The following KIF3B variants were observed in gnomAD, a reference collection of about 807,000 sequenced individuals.
The protein encoded by KIF3B is kinesin-like protein KIF3B.
Under a neutral mutation model 74.3 loss-of-function variants are expected in KIF3B, and 38 were observed. The observed-to-expected ratio is 0.51, with a 90% confidence interval of 0.39 to 0.67. The LOEUF is 0.67. Ranked by LOEUF, KIF3B falls within the 30% of genes least tolerant of loss-of-function variation. The pLI is 0.00. For missense variants in KIF3B, 649 were observed against 932.0 expected (o/e 0.70, Z 3.95); for synonymous variants, 326 against 342.5 (o/e 0.95, Z 0.53).
At chr20:32,285,425 C>T (rs2047663119) in intron 1 of KIF3B, among the ~76,000 whole-genome samples, 1 of 152,216 alleles carries the variant, frequency 6.6e-6, no homozygotes, top group Non-Finnish European at 1.5e-5. Flanking sequence ...CATTCCATCT[C>T]ACTGTGCCTC....
At chr20:32,296,444 A>G (rs2047717479) in intron 1 of KIF3B, among the ~76,000 whole-genome samples, 1 of 152,102 alleles carries the variant, frequency 6.6e-6, no homozygotes, top group Admixed American at 6.6e-5. Context: ...TACTAAAAAT[A>G]CAAAAATTAG....
intron 1 of KIF3B, among the ~76,000 whole-genome samples, chr20:32,300,987 C>T (rs1430499645): frequency 6.6e-6 from 1 of 151,402 alleles, no homozygotes; most frequent in Non-Finnish European, 1.5e-5. Context: ...CTCAATCTCT[C>T]GACTAGCTAG....
In KIF3B at chr20:32,332,374, T is replaced by C. The variant is rs1333935755; in HGVS notation, c.*1055T>C. The C allele has an allele frequency of 6.6e-6, 1 of 152,324 alleles. No individual in the cohort carries two copies. Among genetic ancestry groups the C allele is most frequent in the African/African-American group, 2.4e-5 (1 of 41,456 alleles). 9.4% of individuals were successfully genotyped at this position (152,324 alleles called of 1,614,324 possible). A position where few individuals can be genotyped will look rare whatever the true frequency, so the allele number is the denominator to read the frequency against. ...GCAGAGATGGAGACATGAGACTCAGTGCAGTGGGCAGGGAAGACATAACAG... is the reference window on the plus strand; with the variant it reads ...GCAGAGATGGAGACATGAGACTCAGCGCAGTGGGCAGGGAAGACATAACAG... On this transcript the variant is annotated 3_prime_UTR_variant, in exon 9 of 9. Coordinates refer to ENST00000375712, the MANE Select transcript of KIF3B (RefSeq NM_004798.4).
At chr20:32,320,980 G>C (rs1450900930) in intron 5 of KIF3B, among the ~76,000 whole-genome samples, 1 of 151,900 alleles carries the variant, frequency 6.6e-6, no homozygotes, top group African/African-American at 2.4e-5. Context: ...TATAGTGTTA[G>C]GTCTTACATT....
At chr20:32,287,900 T>C (rs1055733013) in intron 1 of KIF3B, among the ~76,000 whole-genome samples, 12 of 128,722 alleles carry the variant, frequency 9.3e-5, no homozygotes, top group East Asian at 3.2e-4. Flanking sequence ...TTTTTTTTTT[T>C]CAGATGGAGT....
chr20:32,299,021 T>C (rs2047729302), intron 1 of KIF3B, among the ~76,000 whole-genome samples: 1 of 152,126 alleles, frequency 6.6e-6, no homozygotes, highest in Non-Finnish European at 1.5e-5. Context: ...ACCGTATTTT[T>C]TTGTAAATTC....
chr20:32,305,930 T>A (rs542469326), intron 1 of KIF3B, among the ~76,000 whole-genome samples: 1 of 151,808 alleles, frequency 6.6e-6, no homozygotes, highest in Non-Finnish European at 1.5e-5. Context: ...TGATTGATTT[T>A]GTATTTTTAG....
At chr20:32,291,259 G>T (rs1375722965) in intron 1 of KIF3B, among the ~76,000 whole-genome samples, 4 of 152,062 alleles carry the variant, frequency 2.6e-5, no homozygotes, top group Non-Finnish European at 4.4e-5. Flanking sequence ...ATTATGTGGG[G>T]TTTTTTACTG....
At position 32,333,270 on chromosome 20, in the gene KIF3B, C is replaced by T. The variant is rs902165037; in HGVS notation, c.*1951C>T. ...CTGGTTACACGTGTCTCTCACACCACATTTCCTCAAAGCTAATCTGAATTC... is the reference window on the plus strand; with the variant it reads ...CTGGTTACACGTGTCTCTCACACCATATTTCCTCAAAGCTAATCTGAATTC... On this transcript the variant is annotated 3_prime_UTR_variant, in exon 9 of 9. Coordinates refer to ENST00000375712, the MANE Select transcript of KIF3B (RefSeq NM_004798.4). The T allele has an allele frequency of 6.6e-6, 1 of 152,126 alleles. No individual in the cohort carries two copies. Among genetic ancestry groups the T allele is most frequent in the Non-Finnish European group, 1.5e-5 (1 of 68,034 alleles). 9.4% of individuals were successfully genotyped at this position (152,126 alleles called of 1,614,324 possible). A position where few individuals can be genotyped will look rare whatever the true frequency, so the allele number is the denominator to read the frequency against.
intron 5 of KIF3B, among the ~76,000 whole-genome samples, chr20:32,322,828 GT>G (rs1569207996): frequency 1.5e-3 from 51 of 34,816 alleles, no homozygotes; most frequent in African/African-American, 0.01. Flanking sequence ...ATATTTATAT[GT>G]ATATTTTTAT....
In KIF3B at chr20:32,288,410, G is replaced by A. The variant is rs573578234; in HGVS notation, c.-66+10645G>A. Among the ~76,000 whole-genome samples the A allele has an allele frequency of 5.3e-5, 8 of 152,184 alleles. No individual in the cohort carries two copies. The South Asian group carries it at 1.5e-3, about 28-fold the overall frequency. On this transcript the variant is annotated intron_variant, in intron 1 of 8. Coordinates refer to ENST00000375712, the MANE Select transcript of KIF3B (RefSeq NM_004798.4). ...GAAGCTGAGGCAAGTTCAAGCCCAGGAGTTCAAGGCTACAGTGAGCCATGA... is the reference window on the plus strand; with the variant it reads ...GAAGCTGAGGCAAGTTCAAGCCCAGAAGTTCAAGGCTACAGTGAGCCATGA...
In KIF3B at chr20:32,277,706, C is replaced by G. The variant is rs978525356; in HGVS notation, c.-125C>G. The G allele has an allele frequency of 7.1e-4, 186 of 261,204 alleles. 1 individual carries two copies. Among genetic ancestry groups the G allele is most frequent in the Admixed American group, 1.0e-3 (18 of 17,740 alleles). The allele number at this position is 261,204 out of a possible 1,614,324, so 16.2% of individuals were successfully genotyped here. On this transcript the variant is annotated 5_prime_UTR_variant, in exon 1 of 9. Transcript: ENST00000375712. ...ATGGCTGAGCCAGGGGTTCGCCGCC[C>G]CCGCCGCCGCCGCCGCCGCCGCCGC...
intron 1 of KIF3B, among the ~76,000 whole-genome samples, chr20:32,299,037 C>G (rs916611988): frequency 6.6e-6 from 1 of 152,016 alleles, no homozygotes; most frequent in Admixed American, 6.6e-5. Context: ...AATTCCTAAT[C>G]GTAACTGTCA....
chr20:32,327,066 A>G (rs1381795389), intron 6 of KIF3B, among the ~76,000 whole-genome samples, 182 bp downstream of exon 6: 1 of 152,188 alleles, frequency 6.6e-6, no homozygotes, highest in East Asian at 1.9e-4. Flanking sequence ...AAGTTTGATC[A>G]TGAGTGTGGT....
At chr20:32,282,456 A>C (rs1424631553) in intron 1 of KIF3B, among the ~76,000 whole-genome samples, 1 of 152,160 alleles carries the variant, frequency 6.6e-6, no homozygotes, top group Non-Finnish European at 1.5e-5. Flanking sequence ...TAAGCATCAT[A>C]CTTTATAGTC....
chr20:32,298,387 G>A (rs965367640), intron 1 of KIF3B, among the ~76,000 whole-genome samples: 45 of 152,292 alleles, frequency 3.0e-4, no homozygotes, highest in African/African-American at 9.9e-4. Context: ...CTGTGATTGC[G>A]CCACTGCACT....
intron 1 of KIF3B, among the ~76,000 whole-genome samples, chr20:32,300,539 A>G (rs1299457633): frequency 1.3e-5 from 2 of 152,108 alleles, no homozygotes; most frequent in Admixed American, 6.6e-5. Flanking sequence ...TCGGCCTCCC[A>G]AAGTGCTGGG....
chr20:32,302,048 C>T (rs949884391), intron 1 of KIF3B, among the ~76,000 whole-genome samples: 3 of 152,194 alleles, frequency 2.0e-5, no homozygotes, highest in African/African-American at 7.2e-5. Flanking sequence ...AGGATGAAGG[C>T]GATGAGCTGC....
In KIF3B at chr20:32,311,191, C is replaced by A; in HGVS notation, c.1404+10C>A. 6.3e-7 allele frequency: 1 copy of A among 1,589,002 alleles called. No homozygotes were observed. The highest frequency in any genetic ancestry group is 8.6e-7 in the Non-Finnish European group (1 of 1,168,674). The stretch of plus-strand genomic sequence containing the variant: ...GGGCGCCAAGATCAAGGTACCATAC[C>A]CGTACCCTTCCTTAGGCCCTTGCCC... On this transcript the variant is annotated intron_variant, in intron 2 of 8. Coordinates refer to ENST00000375712, the MANE Select transcript of KIF3B (RefSeq NM_004798.4).
Sources: allele counts gnomAD v4.1 joint callset (sites outside exome capture counted in the v4.1 genomes callset), GRCh38; gene constraint gnomAD v4.1.1; transcripts MANE v1.5; gene names NCBI Gene and HGNC (gene_info 2026-07-23, HGNC 2026-07-21).